TRAK1: variants seen among roughly 807,000 people sequenced by gnomAD.
The protein encoded by TRAK1 is trafficking kinesin protein 1.
Under a neutral mutation model 92.1 loss-of-function variants are expected in TRAK1, and 33 were observed. That is an observed-to-expected ratio of 0.36 (90% CI 0.27 to 0.48). The LOEUF is 0.48. TRAK1 is among the 20% of genes least tolerant of loss of function. The pLI is 0.99. For missense variants in TRAK1, 1,123 were observed against 1,257.9 expected (o/e 0.89, Z 1.62); for synonymous variants, 521 against 517.3 (o/e 1.01, Z -0.10).
intron 14 of TRAK1, chr3:42,211,335 G>T (rs1709002999): frequency 1.0e-6 from 1 of 985,156 alleles, no homozygotes; most frequent in Non-Finnish European, 1.2e-6. Context: ...CAAGTCATGT[G>T]ATTTGTTTAG....
Position 42,197,000 on chromosome 3 carries a change from TCTCACACACACACACACA to T in TRAK1, c.1113+2061_1113+2078del, listed in dbSNP as rs1288303823. Among the ~76,000 whole-genome samples, 448 of 131,166 alleles carry T rather than the reference TCTCACACACACACACACA, an allele frequency of 3.4e-3. 4 individuals are homozygous for T. Among genetic ancestry groups the T allele is most frequent in the African/African-American group, 0.011 (363 of 34,498 alleles). The allele number at this position is 131,166 out of a possible 152,430, so 86.0% of individuals were successfully genotyped here. On this transcript the variant is annotated intron_variant, in intron 10 of 15. Coordinates refer to ENST00000327628, the MANE Select transcript of TRAK1 (RefSeq NM_001042646.3). ...CTTTCTCTTTCTCTCTCTCTCTCTCTCTCACACACACACACACACACACACACACACACACACACGTTG... is the reference window on the plus strand; with the variant it reads ...CTTTCTCTTTCTCTCTCTCTCTCTCTCACACACACACACACACACACGTTG...
rs75110273 is a variant in TRAK1, at chr3:42,073,870, C to G, written c.-518-13234C>G. Among the ~76,000 whole-genome samples, 1,080 of 152,286 alleles carry G rather than the reference C, an allele frequency of 7.1e-3. 51 individuals are homozygous for G. In the East Asian group the frequency reaches 0.13, roughly 18 times the overall value. ...CAGACCTCTTTGCATGGTTGCCTGTCAGCTGCCCCCAACCCAACTTGACCC... is the reference window on the plus strand; with the variant it reads ...CAGACCTCTTTGCATGGTTGCCTGTGAGCTGCCCCCAACCCAACTTGACCC... On this transcript the variant is annotated intron_variant, in intron 1 of 16. Transcript: ENST00000487159.
At chr3:42,168,249 TA>T (rs1401561382) in intron 2 of TRAK1, among the ~76,000 whole-genome samples, 1 of 152,222 alleles carries the variant, frequency 6.6e-6, no homozygotes, top group Non-Finnish European at 1.5e-5. Context: ...TTGCCATTTC[TA>T]AACAATTTTG....
At chr3:42,065,287 A>C (rs1303361136) in intron 1 of TRAK1, among the ~76,000 whole-genome samples, 1 of 152,178 alleles carries the variant, frequency 6.6e-6, no homozygotes, top group African/African-American at 2.4e-5. Context: ...ATAAAAATAC[A>C]GATTGAGTAT....
chr3:42,036,789 C>T (rs1702343035), intron 1 of TRAK1, among the ~76,000 whole-genome samples: 1 of 152,142 alleles, frequency 6.6e-6, no homozygotes, highest in Non-Finnish European at 1.5e-5. Context: ...CTCGCTCTGT[C>T]ACCCAGCTGG....
intron 9 of TRAK1, 88 bp from the exon 10 acceptor site, chr3:42,194,716 C>A: frequency 6.7e-7 from 1 of 1,501,694 alleles, no homozygotes; most frequent in Non-Finnish European, 9.0e-7. Context: ...TCTTAGATTG[C>A]TGTGTCTTTC....
At chr3:42,207,158 A>C (rs1271306329) in intron 13 of TRAK1, among the ~76,000 whole-genome samples, 1 of 152,148 alleles carries the variant, frequency 6.6e-6, no homozygotes, top group Non-Finnish European at 1.5e-5. Flanking sequence ...CATCCTTCTC[A>C]GACTCCAGTG....
At position 42,223,776 on chromosome 3, in the gene TRAK1, G is replaced by T; in HGVS notation, c.*39G>T. 6.5e-7 allele frequency: 1 copy of T among 1,548,892 alleles called. No individual in the cohort carries two copies. Among genetic ancestry groups the T allele is most frequent in the Non-Finnish European group, 8.8e-7 (1 of 1,141,600 alleles). ...GCCGGTTGCCCTAGAGGAGACCCAC[G>T]TTCTCCTCTCTTGCTCCCACCTCCC... On this transcript the variant is annotated 3_prime_UTR_variant, in exon 16 of 16. Transcript: ENST00000327628. The surrounding 1 kb of genome is among the most constrained non-coding windows in gnomAD (Gnocchi z 6.1).
Position 42,125,920 on chromosome 3 carries a change from G to A in TRAK1, c.286+306G>A, listed in dbSNP as rs573048488. Among the ~76,000 whole-genome samples the A allele has an allele frequency of 1.6e-3, 240 of 151,554 alleles. 1 individual carries two copies. The highest frequency in any genetic ancestry group is 5.2e-3 in the African/African-American group (213 of 41,260). The stretch of plus-strand genomic sequence containing the variant: ...GGCTGGAGTGCAATGGTGTGATCTC[G>A]GCTCACTACAACCTCTGCCTCCTGG... On this transcript the variant is annotated intron_variant, in intron 2 of 15. Transcript: ENST00000327628.
intron 1 of TRAK1, among the ~76,000 whole-genome samples, chr3:42,073,334 G>A (rs891055118): frequency 2.6e-5 from 4 of 152,108 alleles, no homozygotes; most frequent in African/African-American, 9.7e-5. Context: ...CTTATTCTGT[G>A]GGTGGTCACA....
chr3:42,143,088 A>C (rs914735641), intron 2 of TRAK1, among the ~76,000 whole-genome samples: 1 of 152,170 alleles, frequency 6.6e-6, no homozygotes, highest in African/African-American at 2.4e-5. Flanking sequence ...CTTGCTGCTG[A>C]TGGATTGGAG....
Position 42,208,534 on chromosome 3 carries a change from A to G in TRAK1, c.1745-1233A>G, listed in dbSNP as rs564601381. Among the ~76,000 whole-genome samples, 10 of 152,234 alleles carry G rather than the reference A, an allele frequency of 6.6e-5. No homozygotes were observed. In the East Asian group the frequency reaches 1.7e-3, roughly 27 times the overall value. Reference sequence around the variant, plus strand: ...ACTTCCTGAGCTGCCGACTCCTGGCATCTTTGACTCCCTTTTCTTCGCTCC... The same window carrying G: ...ACTTCCTGAGCTGCCGACTCCTGGCGTCTTTGACTCCCTTTTCTTCGCTCC... On this transcript the variant is annotated intron_variant, in intron 13 of 15. Coordinates refer to ENST00000327628, the MANE Select transcript of TRAK1 (RefSeq NM_001042646.3).
At chr3:42,142,152 A>AC (rs1304417008) in intron 2 of TRAK1, among the ~76,000 whole-genome samples, 12 of 152,086 alleles carry the variant, frequency 7.9e-5, no homozygotes, top group Non-Finnish European at 1.5e-4. Context: ...ACAAAACAAA[A>AC]AAAGAAGAAA....
intron 1 of TRAK1, among the ~76,000 whole-genome samples, chr3:42,120,216 G>A (rs1412111481): frequency 2.0e-5 from 3 of 152,136 alleles, no homozygotes. Flanking sequence ...GCTGGGGGTT[G>A]GTGGGATTTT....
intron 1 of TRAK1, among the ~76,000 whole-genome samples, chr3:42,081,002 G>T (rs1704407003): frequency 6.6e-6 from 1 of 152,014 alleles, no homozygotes; most frequent in South Asian, 2.1e-4. Context: ...AACCTCCCTA[G>T]TAGCAGGGAC....
chr3:42,070,792 T>A (rs1703900449), intron 1 of TRAK1, among the ~76,000 whole-genome samples: 1 of 152,244 alleles, frequency 6.6e-6, no homozygotes, highest in Non-Finnish European at 1.5e-5. Context: ...CTGGTTCTTT[T>A]TATGTCCCAA....
chr3:42,035,014 T>C (rs984600634), intron 1 of TRAK1, among the ~76,000 whole-genome samples: 4 of 152,204 alleles, frequency 2.6e-5, no homozygotes, highest in Non-Finnish European at 5.9e-5. Context: ...TCCTACTTCA[T>C]TGCCGGTCTC....
chr3:42,031,993 G>A (rs1402697193), intron 1 of TRAK1, among the ~76,000 whole-genome samples: 1 of 152,136 alleles, frequency 6.6e-6, no homozygotes, highest in Non-Finnish European at 1.5e-5. Flanking sequence ...GGCGGGGAAG[G>A]GATGGGGCAT....
In TRAK1 at chr3:42,070,118, C is replaced by T. The variant is rs118067744; in HGVS notation, c.-518-16986C>T. ...CTGCCCGCCTTGGCCCCACAAAGGC[C>T]GGGATTACAGGTTTAATCCACTGTG... On this transcript the variant is annotated intron_variant, in intron 1 of 16. Transcript: ENST00000487159. Among the ~76,000 whole-genome samples the T allele has an allele frequency of 7.1e-3, 1,081 of 151,840 alleles. 52 individuals carry two copies. The East Asian group carries it at 0.13, about 18-fold the overall frequency.
Sources: allele counts gnomAD v4.1 joint callset (sites outside exome capture counted in the v4.1 genomes callset), GRCh38; gene constraint gnomAD v4.1.1; non-coding constraint Gnocchi (gnomAD v3.1); transcripts MANE v1.5; gene names NCBI Gene and HGNC (gene_info 2026-07-23, HGNC 2026-07-21).